Variants in ST6GALNAC3 observed in about 807,000 individuals in gnomAD.
ST6GALNAC3 encodes alpha-N-acetylgalactosaminide alpha-2,6-sialyltransferase 3.
A neutral mutation model predicts 32.7 loss-of-function variants in ST6GALNAC3; 25 were observed. That is an observed-to-expected ratio of 0.76 (90% CI 0.56 to 1.07). The LOEUF (loss-of-function observed/expected upper bound fraction) is 1.07. Ranked by LOEUF, ST6GALNAC3 falls within the 50% of genes least tolerant of loss-of-function variation. The pLI is 0.00. For missense variants in ST6GALNAC3, 355 were observed against 382.4 expected (o/e 0.93, Z 0.60); for synonymous variants, 129 against 133.1 (o/e 0.97, Z 0.21).
intron 2 of ST6GALNAC3, among the ~76,000 whole-genome samples, chr1:76,397,208 G>A (rs1445536748): frequency 6.6e-6 from 1 of 151,894 alleles, no homozygotes; most frequent in Non-Finnish European, 1.5e-5. Context: ...AACTCAAAGG[G>A]TTTAGCTCTT....
chr1:76,189,710 C>T (rs1009626821), intron 1 of ST6GALNAC3, among the ~76,000 whole-genome samples: 1 of 148,374 alleles, frequency 6.7e-6, no homozygotes, highest in African/African-American at 2.4e-5. Flanking sequence ...CTCCTCCCAC[C>T]ATGTGGAGGT....
intron 3 of ST6GALNAC3, among the ~76,000 whole-genome samples, chr1:76,481,318 A>C (rs1659706949): frequency 6.6e-6 from 1 of 152,220 alleles, no homozygotes; most frequent in Non-Finnish European, 1.5e-5. Context: ...AGTCTGAAAG[A>C]AAAGTACAAA....
intron 1 of ST6GALNAC3, among the ~76,000 whole-genome samples, chr1:76,079,449 G>T (rs1214124977): frequency 6.6e-6 from 1 of 152,098 alleles, no homozygotes; most frequent in Non-Finnish European, 1.5e-5. Context: ...AAAAAATATA[G>T]GTGAATTGTA....
chr1:76,092,265 T>C (rs186888783), intron 1 of ST6GALNAC3, among the ~76,000 whole-genome samples: 2 of 152,364 alleles, frequency 1.3e-5, no homozygotes, highest in Admixed American at 6.5e-5. Flanking sequence ...TACGTATTTT[T>C]AGAAAGTAGT....
chr1:76,418,935 C>CA (rs368013298), intron 3 of ST6GALNAC3, among the ~76,000 whole-genome samples: 2,193 of 136,002 alleles, frequency 0.016, 53 homozygotes, highest in African/African-American at 0.053. Flanking sequence ...ATTAAAAATT[C>CA]AAAAAAAAAA....
chr1:76,413,988 G>A (rs6688136), intron 3 of ST6GALNAC3, among the ~76,000 whole-genome samples: 29,183 of 151,908 alleles, frequency 0.19, 2,929 homozygotes, highest in Middle Eastern at 0.3. Flanking sequence ...AGTCATTTGC[G>A]GGGAGGTATC....
chr1:76,198,118 G>T (rs1654312492), intron 1 of ST6GALNAC3, among the ~76,000 whole-genome samples: 1 of 152,168 alleles, frequency 6.6e-6, no homozygotes, highest in South Asian at 2.1e-4. Context: ...GCTCACTGCA[G>T]CCTTGACTTC....
chr1:76,208,256 A>G (rs771192588), intron 1 of ST6GALNAC3, among the ~76,000 whole-genome samples: 3 of 152,264 alleles, frequency 2.0e-5, no homozygotes, highest in South Asian at 4.1e-4. Flanking sequence ...GGATGATGCT[A>G]TAACTTGCAG....
intron 3 of ST6GALNAC3, among the ~76,000 whole-genome samples, chr1:76,587,465 G>A (rs562891717): frequency 1.6e-4 from 25 of 152,288 alleles, no homozygotes; most frequent in African/African-American, 4.3e-4. Flanking sequence ...CTGAGAGTCC[G>A]GCGAACATGT....
chr1:76,467,268 T>A (rs1658699456), intron 3 of ST6GALNAC3, among the ~76,000 whole-genome samples: 1 of 151,948 alleles, frequency 6.6e-6, no homozygotes, highest in Non-Finnish European at 1.5e-5. Flanking sequence ...TGAAGCAGTG[T>A]AGCTTGTGGC....
At chr1:76,288,882 G>GA (rs1659923830) in intron 1 of ST6GALNAC3, among the ~76,000 whole-genome samples, 2 of 152,148 alleles carry the variant, frequency 1.3e-5, no homozygotes, top group Non-Finnish European at 1.5e-5. Context: ...ATAGCGAGCA[G>GA]AAAAATGAAC....
chr1:76,522,951 C>T (rs1036329483), intron 3 of ST6GALNAC3, among the ~76,000 whole-genome samples: 8 of 152,064 alleles, frequency 5.3e-5, no homozygotes, highest in Non-Finnish European at 7.4e-5. Context: ...AACTGTATGA[C>T]AAAGGCTTTT....
At chr1:76,307,199 T>A (rs1249656271) in intron 1 of ST6GALNAC3, among the ~76,000 whole-genome samples, 1 of 152,124 alleles carries the variant, frequency 6.6e-6, no homozygotes, top group Non-Finnish European at 1.5e-5. Flanking sequence ...GGGCCTTCTT[T>A]ACTTACCCAT....
At chr1:76,543,030 A>G (rs890532714) in intron 3 of ST6GALNAC3, among the ~76,000 whole-genome samples, 6 of 152,190 alleles carry the variant, frequency 3.9e-5, no homozygotes, top group Admixed American at 2.0e-4. Context: ...TAAGCTGTAA[A>G]CAGCTTGCTT....
intron 3 of ST6GALNAC3, among the ~76,000 whole-genome samples, chr1:76,523,759 C>T (rs1662696786): frequency 6.6e-6 from 1 of 152,152 alleles, no homozygotes; most frequent in African/African-American, 2.4e-5. Flanking sequence ...CCACCCTGCA[C>T]ACCTTCAATA....
chr1:76,123,311 A>C (rs985161279), intron 1 of ST6GALNAC3, among the ~76,000 whole-genome samples: 4 of 150,752 alleles, frequency 2.7e-5, no homozygotes, highest in African/African-American at 7.3e-5. Context: ...CCCGGGAGGC[A>C]GAGGTTGCAC....
At chr1:76,347,286 AT>A (rs1197369210) in intron 2 of ST6GALNAC3, among the ~76,000 whole-genome samples, 1 of 152,180 alleles carries the variant, frequency 6.6e-6, no homozygotes, top group Non-Finnish European at 1.5e-5. Flanking sequence ...CCTTTAGACT[AT>A]TAAGCAGTTT....
At position 76,424,446 on chromosome 1, in the gene ST6GALNAC3, C is replaced by T. The variant is rs533579012; in HGVS notation, c.623+12029C>T. 2.0e-5 allele frequency among the ~76,000 whole-genome samples: 3 copies of T among 151,818 alleles called. No individual in the cohort carries two copies. In the Middle Eastern group the frequency reaches 0.01, roughly 516 times the overall value. ...ATCATGTTCCTGGTGCTTTTGCTGC[C>T]AAGCACATTGTGGGTGTTCAATAAA... On this transcript the variant is annotated intron_variant, in intron 3 of 4. Transcript: ENST00000328299.
At chr1:76,425,474 A>C (rs925402222) in intron 3 of ST6GALNAC3, among the ~76,000 whole-genome samples, 1 of 151,894 alleles carries the variant, frequency 6.6e-6, no homozygotes, top group Non-Finnish European at 1.5e-5. Flanking sequence ...AGTCTTTTAC[A>C]AACATTCCTT....
Sources: gnomAD v4.1 joint callset for allele counts (sites outside exome capture counted in the v4.1 genomes callset) on GRCh38, gnomAD v4.1.1 for gene constraint, MANE v1.5 for transcripts, NCBI Gene and HGNC (gene_info 2026-07-23, HGNC 2026-07-21) for gene names.